The following TMEFF2 variants were observed in gnomAD, a reference collection of about 807,000 sequenced individuals.
The protein encoded by TMEFF2 is transmembrane protein with EGF like and two follistatin like domains 2.
TMEFF2 carries 28 observed loss-of-function variants against 53.8 expected under a neutral mutation model. The observed-to-expected ratio is 0.52, with a 90% CI of 0.39 to 0.71. TMEFF2 has a LOEUF of 0.71. Among genes scored for constraint, TMEFF2 ranks in the 30% least tolerant of loss-of-function variants. The pLI is 0.00. For missense variants in TMEFF2, 353 were observed against 455.2 expected, an observed-to-expected ratio of 0.78 and a Z score of 2.04; for synonymous variants, 162 against 166.3, an observed-to-expected ratio of 0.97 and a Z score of 0.20.
At chr2:191,964,373 T>C (rs1574249386) in intron 7 of TMEFF2, among the ~76,000 whole-genome samples, 1 of 7,790 alleles carries the variant, frequency 1.3e-4, no homozygotes, top group Admixed American at 1.8e-3. Context: ...TCTTTCTTTC[T>C]CTTTCTTTCT....
At chr2:192,135,104 A>G (rs536206378) in intron 4 of TMEFF2, among the ~76,000 whole-genome samples, 20 of 152,212 alleles carry the variant, frequency 1.3e-4, no homozygotes, top group African/African-American at 4.8e-4. Flanking sequence ...CTGTGCCCCC[A>G]AAAAAACTTG....
intron 4 of TMEFF2, among the ~76,000 whole-genome samples, chr2:192,130,261 T>C (rs896561264): frequency 6.6e-6 from 1 of 152,180 alleles, no homozygotes; most frequent in Non-Finnish European, 1.5e-5. Flanking sequence ...TGCTATGCTG[T>C]TCCTTTTTCC....
chr2:192,055,306 G>C (rs572814487), intron 5 of TMEFF2, among the ~76,000 whole-genome samples: 1 of 152,228 alleles, frequency 6.6e-6, no homozygotes, highest in South Asian at 2.1e-4. Context: ...TGGGGGTCTT[G>C]TAGAAAAGTA....
chr2:191,954,751 CGAG>C (rs1692012129), intron 8 of TMEFF2, among the ~76,000 whole-genome samples: 1 of 152,094 alleles, frequency 6.6e-6, no homozygotes, highest in South Asian at 2.1e-4. Context: ...CAAAACAAGA[CGAG>C]GTATTGTTCA....
intron 4 of TMEFF2, among the ~76,000 whole-genome samples, chr2:192,106,399 G>T (rs559615760): frequency 4.5e-4 from 68 of 151,780 alleles, no homozygotes; most frequent in Non-Finnish European, 7.4e-4. Flanking sequence ...TTTTATGGAT[G>T]TTTTTGTTTC....
chr2:191,975,535 A>T (rs940528836), intron 7 of TMEFF2, among the ~76,000 whole-genome samples: 15 of 151,306 alleles, frequency 9.9e-5, no homozygotes, highest in African/African-American at 3.6e-4. Context: ...GAGCTTGGCA[A>T]TTTTTTTCTA....
At chr2:192,058,145 A>G (rs1046500402) in intron 4 of TMEFF2, among the ~76,000 whole-genome samples, 1 of 152,182 alleles carries the variant, frequency 6.6e-6, no homozygotes, top group Non-Finnish European at 1.5e-5. Flanking sequence ...TTACTGAAAC[A>G]TATTTAGCAT....
intron 4 of TMEFF2, among the ~76,000 whole-genome samples, chr2:192,144,293 A>T (rs1690201563): frequency 6.6e-6 from 1 of 152,072 alleles, no homozygotes; most frequent in African/African-American, 2.4e-5. Context: ...AGTATGAAAG[A>T]TTAATTTTTC....
chr2:191,988,653 ATT>A (rs71033651), intron 7 of TMEFF2, among the ~76,000 whole-genome samples: 10 of 148,648 alleles, frequency 6.7e-5, no homozygotes, highest in South Asian at 2.1e-4. Flanking sequence ...CTTAAAAACT[ATT>A]TTTTTTTTTA....
At chr2:192,110,356 A>C (rs1344421320) in intron 4 of TMEFF2, among the ~76,000 whole-genome samples, 1 of 152,014 alleles carries the variant, frequency 6.6e-6, no homozygotes, top group Non-Finnish European at 1.5e-5. Flanking sequence ...GTGATTAGGA[A>C]GTGGAGTTAG....
intron 4 of TMEFF2, among the ~76,000 whole-genome samples, chr2:192,082,906 G>A (rs1377059497): frequency 6.6e-6 from 1 of 150,918 alleles, no homozygotes; most frequent in Non-Finnish European, 1.5e-5. Flanking sequence ...TACTTTATCA[G>A]TTAAGTTTCC....
At chr2:191,975,267 T>TC (rs68112746) in intron 7 of TMEFF2, among the ~76,000 whole-genome samples, 1,192 of 80,114 alleles carry the variant, frequency 0.015, 19 homozygotes, top group African/African-American at 0.042. Context: ...TTTTTCTTCT[T>TC]TTTTTTTTTT....
chr2:192,134,057 C>T (rs899096258), intron 4 of TMEFF2, among the ~76,000 whole-genome samples: 6 of 152,184 alleles, frequency 3.9e-5, no homozygotes, highest in Non-Finnish European at 5.9e-5. Flanking sequence ...ATCATGTCTG[C>T]GTGCAGCGGC....
chr2:192,109,074 A>G (rs535423433), intron 4 of TMEFF2, among the ~76,000 whole-genome samples: 3 of 152,034 alleles, frequency 2.0e-5, no homozygotes, highest in African/African-American at 7.2e-5. Flanking sequence ...TGTAGTAAAA[A>G]AGTTCTGGAA....
At chr2:192,145,237 C>A (rs1690221633) in intron 4 of TMEFF2, among the ~76,000 whole-genome samples, 1 of 151,824 alleles carries the variant, frequency 6.6e-6, no homozygotes, top group Admixed American at 6.6e-5. Flanking sequence ...GCAACATTAT[C>A]ATTAGAAAAT....
chr2:192,185,380 T>C (rs762096490), intron 2 of TMEFF2, among the ~76,000 whole-genome samples: 6 of 151,770 alleles, frequency 4.0e-5, no homozygotes, highest in East Asian at 1.9e-4. Context: ...ATGTGCTTCA[T>C]TGTTTAATTA....
intron 4 of TMEFF2, among the ~76,000 whole-genome samples, chr2:192,172,643 A>G (rs1690944408): frequency 6.6e-6 from 1 of 152,022 alleles, no homozygotes; most frequent in African/African-American, 2.4e-5. Context: ...GGGAAAAGTA[A>G]TAGAATAGTT....
intron 4 of TMEFF2, among the ~76,000 whole-genome samples, chr2:192,122,168 A>C (rs985756463): frequency 6.6e-6 from 1 of 152,208 alleles, no homozygotes; most frequent in African/African-American, 2.4e-5. Context: ...ATATATATAC[A>C]TAATTATTAT....
chr2:191,979,954 A>C (rs1685817632), intron 7 of TMEFF2, among the ~76,000 whole-genome samples: 1 of 152,190 alleles, frequency 6.6e-6, no homozygotes, highest in South Asian at 2.1e-4. Flanking sequence ...CTTGAGAAGA[A>C]AGCAAAGAGA....
Sources: allele counts gnomAD v4.1 joint callset (sites outside exome capture counted in the v4.1 genomes callset), GRCh38; gene constraint gnomAD v4.1.1; transcripts MANE v1.5; gene names NCBI Gene and HGNC (gene_info 2026-07-23, HGNC 2026-07-21).